Variants in FHIT observed in about 807,000 individuals in gnomAD.
The protein encoded by FHIT is fragile histidine triad diadenosine triphosphatase.
A neutral mutation model predicts 17.9 loss-of-function variants in FHIT; 19 were observed. That is an observed-to-expected ratio of 1.06 (90% CI 0.74 to 1.56). The LOEUF (loss-of-function observed/expected upper bound fraction) is 1.56, where lower values mean the gene tolerates loss of function less well. Among genes scored for constraint, FHIT ranks in the 40% most tolerant of loss-of-function variants. The probability of loss-of-function intolerance (pLI) is 0.00; values close to 1 mark genes in which losing one functional copy is unlikely to be tolerated. For synonymous variants in FHIT, 81 were observed against 69.7 expected (o/e 1.16, Z -0.81); for missense variants, 248 against 189.2 (o/e 1.31, Z -1.82).
chr3:60,756,627 G>A (rs542081633), intron 4 of FHIT, among the ~76,000 whole-genome samples: 20 of 152,182 alleles, frequency 1.3e-4, no homozygotes, highest in Non-Finnish European at 2.8e-4. Flanking sequence ...AGGAGGATTT[G>A]AGCAGATGTC....
Position 60,708,267 on chromosome 3 carries a change from T to G in FHIT, c.-18+113652A>C, listed in dbSNP as rs1419326418. ...ACTCTGCTTATTTACACAGCCTTAC[T>G]AATGGGCAATTTGCCAGAGGAATCC... On this transcript the variant is annotated intron_variant, in intron 4 of 9. Coordinates refer to ENST00000492590, the MANE Select transcript of FHIT (RefSeq NM_002012.4). Among the ~76,000 whole-genome samples, 3 of 152,236 alleles carry G rather than the reference T, an allele frequency of 2.0e-5. No individual in the cohort carries two copies. The East Asian group carries it at 5.8e-4, about 29-fold the overall frequency.
chr3:60,334,324 A>G (rs1449731546), intron 5 of FHIT, among the ~76,000 whole-genome samples: 1 of 152,230 alleles, frequency 6.6e-6, no homozygotes, highest in African/African-American at 2.4e-5. Context: ...TGTATTACTT[A>G]TACTCAAGGA....
At chr3:60,321,514 A>G (rs1381233992) in intron 5 of FHIT, among the ~76,000 whole-genome samples, 1 of 152,170 alleles carries the variant, frequency 6.6e-6, no homozygotes, top group Non-Finnish European at 1.5e-5. Context: ...CTAAAAGGTT[A>G]TCTTCACTTA....
intron 5 of FHIT, among the ~76,000 whole-genome samples, chr3:60,212,299 A>G (rs539755198): frequency 3.0e-4 from 45 of 152,248 alleles, no homozygotes; most frequent in African/African-American, 1.0e-3. Context: ...GGCACTCCCA[A>G]CATAGGGACA....
intron 3 of FHIT, among the ~76,000 whole-genome samples, chr3:60,973,983 G>C (rs950570546): frequency 1.3e-5 from 2 of 152,020 alleles, no homozygotes; most frequent in Admixed American, 6.6e-5. Context: ...TATTATCCAG[G>C]GTGATGAAAA....
chr3:60,765,106 G>C (rs1448294697), intron 4 of FHIT, among the ~76,000 whole-genome samples: 1 of 152,108 alleles, frequency 6.6e-6, no homozygotes, highest in Non-Finnish European at 1.5e-5. Context: ...ACTGGCACTG[G>C]GAATGGCAGT....
chr3:60,013,876 C>G (rs1700233640), intron 6 of FHIT, 131 bp downstream of exon 6: 3 of 925,830 alleles, frequency 3.2e-6, no homozygotes, highest in East Asian at 5.1e-5. Flanking sequence ...CATTAGAAAT[C>G]TCTTTTTTTG....
chr3:60,933,981 G>T (rs1285179136), intron 3 of FHIT, among the ~76,000 whole-genome samples: 1 of 152,152 alleles, frequency 6.6e-6, no homozygotes, highest in African/African-American at 2.4e-5. Context: ...GCTTGTGGAA[G>T]GGCATGGAAT....
At chr3:60,319,878 G>T (rs544209253) in intron 5 of FHIT, among the ~76,000 whole-genome samples, 52 of 152,230 alleles carry the variant, frequency 3.4e-4, no homozygotes, top group African/African-American at 1.2e-3. Context: ...TTCATGGGAA[G>T]GGGTAGGGTA....
At chr3:59,853,692 A>ATG (rs150328826) in intron 8 of FHIT, among the ~76,000 whole-genome samples, 3 of 151,968 alleles carry the variant, frequency 2.0e-5, no homozygotes, top group Non-Finnish European at 2.9e-5. Context: ...GTGGGTGTGC[A>ATG]TGTGTGTGTG....
intron 8 of FHIT, among the ~76,000 whole-genome samples, chr3:59,849,878 T>G (rs554721421): frequency 6.6e-6 from 1 of 152,320 alleles, no homozygotes; most frequent in African/African-American, 2.4e-5. Flanking sequence ...ATCAGAAATA[T>G]TATAAGGTAT....
chr3:60,361,181 T>C (rs1210967701), intron 5 of FHIT, among the ~76,000 whole-genome samples: 1 of 152,206 alleles, frequency 6.6e-6, no homozygotes, highest in East Asian at 1.9e-4. Flanking sequence ...GAGCAAGTCA[T>C]GCCTTTGAAA....
At chr3:60,096,988 C>T (rs1703976504) in intron 5 of FHIT, among the ~76,000 whole-genome samples, 1 of 147,674 alleles carries the variant, frequency 6.8e-6, no homozygotes, top group Admixed American at 6.8e-5. Flanking sequence ...CAAGGCCAAC[C>T]TGGCCAACAC....
At chr3:61,127,017 G>A (rs187197987) in intron 2 of FHIT, among the ~76,000 whole-genome samples, 88 of 152,304 alleles carry the variant, frequency 5.8e-4, no homozygotes, top group African/African-American at 1.2e-3. Context: ...AACCACAAGC[G>A]CGGTGGCAGA....
chr3:60,463,248 C>T (rs1198214338), intron 5 of FHIT, among the ~76,000 whole-genome samples: 8 of 152,058 alleles, frequency 5.3e-5, no homozygotes, highest in African/African-American at 1.9e-4. Flanking sequence ...AAAAAAAAAT[C>T]CTGTTTTTCT....
chr3:60,636,492 G>A (rs2039588818), intron 4 of FHIT, among the ~76,000 whole-genome samples: 1 of 152,130 alleles, frequency 6.6e-6, no homozygotes. Context: ...AAATTCCTAT[G>A]GATGGACACA....
At chr3:60,695,068 A>T (rs1194554378) in intron 4 of FHIT, among the ~76,000 whole-genome samples, 2 of 151,974 alleles carry the variant, frequency 1.3e-5, no homozygotes. Flanking sequence ...TAATAATAAT[A>T]AAAAAAAGAA....
At chr3:60,029,491 T>C (rs1166138835) in intron 5 of FHIT, among the ~76,000 whole-genome samples, 1 of 152,156 alleles carries the variant, frequency 6.6e-6, no homozygotes, top group Non-Finnish European at 1.5e-5. Flanking sequence ...AAAAGACATA[T>C]ATATGCAGTC....
intron 3 of FHIT, among the ~76,000 whole-genome samples, chr3:60,978,341 C>T (rs1324411461): frequency 1.3e-5 from 2 of 152,158 alleles, no homozygotes; most frequent in African/African-American, 2.4e-5. Flanking sequence ...TGTTAAAATG[C>T]CGTTTCCGAT....
Sources: allele counts gnomAD v4.1 joint callset (sites outside exome capture counted in the v4.1 genomes callset), GRCh38; gene constraint gnomAD v4.1.1; transcripts MANE v1.5; gene names NCBI Gene and HGNC (gene_info 2026-07-23, HGNC 2026-07-21).